Variants in DNAJC1 observed in about 807,000 individuals in gnomAD.
DNAJC1 encodes DnaJ heat shock protein family (Hsp40) member C1.
A neutral mutation model predicts 76.6 loss-of-function variants in DNAJC1; 58 were observed. The ratio of observed to expected loss-of-function variants is 0.76; its 90% CI spans 0.61 to 0.94. The LOEUF (loss-of-function observed/expected upper bound fraction) is 0.94, where lower values mean the gene tolerates loss of function less well. Ranked by LOEUF, DNAJC1 falls within the 40% of genes least tolerant of loss-of-function variation. The pLI is 0.00. For missense variants in DNAJC1, 689 were observed against 677.3 expected, an observed-to-expected ratio of 1.02 and a Z score of -0.19; for synonymous variants, 258 against 267.9, an observed-to-expected ratio of 0.96 and a Z score of 0.36.
At chr10:21,923,801 A>T (rs1220474373) in intron 3 of DNAJC1, among the ~76,000 whole-genome samples, 7 of 151,962 alleles carry the variant, frequency 4.6e-5, no homozygotes, top group African/African-American at 1.2e-4. Context: ...TTCATCAAAC[A>T]TATTTAGGCT....
chr10:21,767,712 T>C (rs1834317195), intron 9 of DNAJC1, among the ~76,000 whole-genome samples: 1 of 152,230 alleles, frequency 6.6e-6, no homozygotes, highest in African/African-American at 2.4e-5. Context: ...TTACAGAATA[T>C]TGACCAGGCA....
intron 8 of DNAJC1, among the ~76,000 whole-genome samples, chr10:21,829,897 T>C (rs1467364077): frequency 6.6e-6 from 1 of 152,252 alleles, no homozygotes; most frequent in Non-Finnish European, 1.5e-5. Context: ...TAAAGTTTTC[T>C]TGCTCATGAT....
chr10:21,965,766 C>T (rs1264723356), intron 1 of DNAJC1, among the ~76,000 whole-genome samples: 4 of 152,160 alleles, frequency 2.6e-5, no homozygotes, highest in East Asian at 1.9e-4. Flanking sequence ...TGGACGCGTT[C>T]CTCCTATTTT....
At chr10:21,956,966 G>A (rs1447977825) in intron 1 of DNAJC1, among the ~76,000 whole-genome samples, 2 of 148,106 alleles carry the variant, frequency 1.4e-5, no homozygotes, top group Non-Finnish European at 1.5e-5. Flanking sequence ...ATCTCGGCTC[G>A]CTGCAACCTC....
chr10:21,840,426 A>G (rs370165035), intron 8 of DNAJC1, among the ~76,000 whole-genome samples: 6 of 152,228 alleles, frequency 3.9e-5, no homozygotes, highest in East Asian at 3.8e-4. Context: ...AAATCAATGT[A>G]CAAAAATCAC....
In DNAJC1 at chr10:21,892,609, CAT is replaced by C. The variant is rs905728200; in HGVS notation, c.821-10172_821-10171del. Among the ~76,000 whole-genome samples the C allele has an allele frequency of 2.5e-3, 370 of 149,842 alleles. 3 individuals are homozygous for C. Among genetic ancestry groups the C allele is most frequent in the African/African-American group, 8.1e-3 (333 of 41,018 alleles). On this transcript the variant is annotated intron_variant, in intron 7 of 11. Coordinates refer to ENST00000376980, the MANE Select transcript of DNAJC1 (RefSeq NM_022365.4). ...AACACATGGTTTTTCATCTTTTTTA[CAT>C]ATATATATATATGCTATCTATAACA...
chr10:21,838,167 T>G (rs1196394715), intron 8 of DNAJC1, among the ~76,000 whole-genome samples: 12 of 148,874 alleles, frequency 8.1e-5, no homozygotes, highest in Middle Eastern at 3.3e-3. Context: ...ACGATGGCGG[T>G]TTTGTCGAAT....
intron 9 of DNAJC1, among the ~76,000 whole-genome samples, chr10:21,770,573 A>AT (rs1382672938): frequency 6.6e-6 from 1 of 151,654 alleles, no homozygotes; most frequent in East Asian, 1.9e-4. Flanking sequence ...AATTTTTTGT[A>AT]TTTTTAGTAG....
At chr10:21,874,435 A>G (rs550739039) in intron 8 of DNAJC1, among the ~76,000 whole-genome samples, 10 of 150,404 alleles carry the variant, frequency 6.6e-5, no homozygotes, top group Middle Eastern at 3.5e-3. Context: ...TGGTCTGTAA[A>G]AAAAAAAAAA....
At chr10:21,984,805 C>G (rs1838213246) in intron 1 of DNAJC1, among the ~76,000 whole-genome samples, 1 of 152,064 alleles carries the variant, frequency 6.6e-6, no homozygotes, top group Non-Finnish European at 1.5e-5. Context: ...TAATGAATAT[C>G]AAAACTAAAA....
At chr10:21,950,003 T>C (rs1837564736) in intron 1 of DNAJC1, among the ~76,000 whole-genome samples, 1 of 152,032 alleles carries the variant, frequency 6.6e-6, no homozygotes, top group Non-Finnish European at 1.5e-5. Context: ...TCTCCTGTGG[T>C]AGTCTACAAA....
intron 1 of DNAJC1, among the ~76,000 whole-genome samples, chr10:21,984,907 GTGTA>G (rs1838214915): frequency 1.3e-5 from 2 of 152,316 alleles, no homozygotes; most frequent in South Asian, 4.1e-4. Context: ...GTGTGTGCAT[GTGTA>G]TGTATGAAGA....
At chr10:21,793,511 G>A (rs1483593372) in intron 9 of DNAJC1, among the ~76,000 whole-genome samples, 1 of 152,146 alleles carries the variant, frequency 6.6e-6, no homozygotes, top group African/African-American at 2.4e-5. Context: ...CATCCAGATT[G>A]GAAAGGAAGA....
intron 8 of DNAJC1, among the ~76,000 whole-genome samples, chr10:21,857,858 AAAAC>A (rs562761551): frequency 3.9e-4 from 59 of 151,964 alleles, no homozygotes; most frequent in Admixed American, 1.3e-3. Flanking sequence ...CCGTCTCAAA[AAAAC>A]AAACAAACAA....
At chr10:21,770,292 T>C (rs1266483948) in intron 9 of DNAJC1, among the ~76,000 whole-genome samples, 2 of 152,160 alleles carry the variant, frequency 1.3e-5, no homozygotes, top group Admixed American at 6.5e-5. Context: ...TTATTGGACA[T>C]CTGTGTATCT....
intron 8 of DNAJC1, among the ~76,000 whole-genome samples, chr10:21,841,659 T>A (rs570941962): frequency 8.4e-4 from 128 of 152,340 alleles, no homozygotes; most frequent in African/African-American, 2.9e-3. Context: ...TTGGTGGGAC[T>A]GTAAACTAGT....
intron 11 of DNAJC1, among the ~76,000 whole-genome samples, 159 bp from the exon 12 acceptor site, chr10:21,756,914 A>G (rs1184674293): frequency 6.6e-6 from 1 of 152,202 alleles, no homozygotes; most frequent in Non-Finnish European, 1.5e-5. Flanking sequence ...CTCACAAGGC[A>G]GACCGGTCTG....
chr10:21,870,842 T>C lies in DNAJC1; in HGVS notation c.978+11440A>G, dbSNP rs916783123. ...ACAGACAGACAGAAAGACAGACATA[T>C]GATTTTTGATCAGAACAGTAACTTT... On this transcript the variant is annotated intron_variant, in intron 8 of 11. Coordinates refer to ENST00000376980, the MANE Select transcript of DNAJC1 (RefSeq NM_022365.4). Among the ~76,000 whole-genome samples the C allele has an allele frequency of 2.6e-5, 4 of 151,980 alleles. No homozygotes were observed. The East Asian group carries it at 7.7e-4, about 29-fold the overall frequency.
chr10:21,759,073 T>G lies in DNAJC1; in HGVS notation c.1596+97A>C. ...GAAGAAATCACGGGGCAGGTGTCAGTAGATAGGAATGAGGGAAGAAGCTGC... is the reference window on the plus strand; with the variant it reads ...GAAGAAATCACGGGGCAGGTGTCAGGAGATAGGAATGAGGGAAGAAGCTGC... On this transcript the variant is annotated intron_variant, in intron 11 of 11. Transcript: ENST00000376980. 2.5e-6 allele frequency: 3 copies of G among 1,204,202 alleles called. 1 individual carries two copies. In the Middle Eastern group the frequency reaches 7.0e-4, roughly 279 times the overall value. The allele number at this position is 1,204,202 out of a possible 1,614,324, so 74.6% of individuals were successfully genotyped here.
Sources: gnomAD v4.1 joint callset for allele counts (sites outside exome capture counted in the v4.1 genomes callset) on GRCh38, gnomAD v4.1.1 for gene constraint, MANE v1.5 for transcripts, NCBI Gene and HGNC (gene_info 2026-07-23, HGNC 2026-07-21) for gene names.